The following SRGAP1 variants were observed in gnomAD, a reference collection of about 807,000 sequenced individuals.
SRGAP1 encodes the protein SLIT-ROBO Rho GTPase activating protein 1.
SRGAP1 carries 43 observed loss-of-function variants against 121.9 expected under a neutral mutation model. That is an observed-to-expected ratio of 0.35 (90% CI 0.28 to 0.46). SRGAP1 has a LOEUF of 0.46. Among genes scored for constraint, SRGAP1 ranks in the 20% least tolerant of loss-of-function variants. SRGAP1 has a pLI of 1.00. For missense variants in SRGAP1, 1,102 were observed against 1,350.9 expected (o/e 0.82, Z 2.89); for synonymous variants, 447 against 485.4 (o/e 0.92, Z 1.04).
intron 3 of SRGAP1, among the ~76,000 whole-genome samples, chr12:63,998,022 A>T (rs1275057559): frequency 1.3e-5 from 2 of 151,936 alleles, no homozygotes; most frequent in Non-Finnish European, 2.9e-5. Context: ...CTCTCACCAC[A>T]CTCAGAGCAA....
chr12:64,091,385 G>A lies in SRGAP1; in HGVS notation c.1539+7G>A. ...TTTGGAAACATTCGTCAAGGTACTG[G>A]CACCAGCCATCTGGGTGGCTGATCT... On this transcript the variant is annotated splice_region_variant and intron_variant, in intron 12 of 21. Transcript: ENST00000355086. 1.3e-6 allele frequency: 2 copies of A among 1,593,904 alleles called. No individual in the cohort carries two copies. Among genetic ancestry groups the A allele is most frequent in the Non-Finnish European group, 1.7e-6 (2 of 1,166,424 alleles).
intron 4 of SRGAP1, among the ~76,000 whole-genome samples, chr12:64,027,169 A>G (rs1446981235): frequency 1.3e-5 from 2 of 152,090 alleles, no homozygotes; most frequent in African/African-American, 2.4e-5. Context: ...ACTTTACATA[A>G]TTAGTTCTTT....
intron 4 of SRGAP1, among the ~76,000 whole-genome samples, chr12:64,041,607 CTTAG>C (rs2035026759): frequency 6.6e-6 from 1 of 151,630 alleles, no homozygotes; most frequent in Non-Finnish European, 1.5e-5. Context: ...GTCTCAAACT[CTTAG>C]TTAGGCTCAA....
rs190199730 is a variant in SRGAP1 at position 63,996,652 on chromosome 12, T to A, written c.426+6580T>A. Among the ~76,000 whole-genome samples, 558 of 152,266 alleles carry A rather than the reference T, an allele frequency of 3.7e-3. 4 individuals carry two copies. Among genetic ancestry groups the A allele is most frequent in the African/African-American group, 0.013 (534 of 41,586 alleles). On this transcript the variant is annotated intron_variant, in intron 3 of 21. Coordinates refer to ENST00000355086, the MANE Select transcript of SRGAP1 (RefSeq NM_020762.4). Reference sequence around the variant, plus strand: ...ACACATATAGTTTAGTATACTTATATAACAGTAGTAAATAATATAACAAGA... The same window carrying A: ...ACACATATAGTTTAGTATACTTATAAAACAGTAGTAAATAATATAACAAGA...
In SRGAP1 at chr12:64,080,325, A is replaced by G; in HGVS notation, c.1363A>G (p.Lys455Glu). 3 of 1,614,026 alleles carry G rather than the reference A, an allele frequency of 1.9e-6. No individual in the cohort carries two copies. The highest frequency in any genetic ancestry group is 2.5e-6 in the Non-Finnish European group (3 of 1,179,956). Reference protein sequence around the residue: ...EYLEGSNLITKLQAKHDLLQR... With the variant: ...EYLEGSNLITELQAKHDLLQR... ...TTTGGAAGGCAGTAATCTCATCACAAAACTTCAAGCCAAACATGACTTGCT... is the reference window on the plus strand; with the variant it reads ...TTTGGAAGGCAGTAATCTCATCACAGAACTTCAAGCCAAACATGACTTGCT... Residue 455 changes from lysine (K) to glutamate (E), a missense_variant, in exon 10 of 22, where the codon AAA becomes GAA. Coordinates refer to ENST00000355086, the MANE Select transcript of SRGAP1 (RefSeq NM_020762.4).
At chr12:64,038,397 G>A (rs1307024415) in intron 4 of SRGAP1, among the ~76,000 whole-genome samples, 1 of 152,002 alleles carries the variant, frequency 6.6e-6, no homozygotes, top group Non-Finnish European at 1.5e-5. Flanking sequence ...TAATCAAGAG[G>A]CATTAAATAA....
chr12:63,976,565 GAAT>G (rs1219134833), intron 1 of SRGAP1, among the ~76,000 whole-genome samples: 1 of 152,118 alleles, frequency 6.6e-6, no homozygotes, highest in Non-Finnish European at 1.5e-5. Flanking sequence ...TTATGTCCAC[GAAT>G]AAGGAGCCTG....
intron 3 of SRGAP1, among the ~76,000 whole-genome samples, chr12:64,011,951 T>A (rs911252965): frequency 1.3e-5 from 2 of 151,872 alleles, no homozygotes; most frequent in Admixed American, 1.3e-4. Flanking sequence ...AATACAAAAA[T>A]TAGCTGGGCA....
intron 1 of SRGAP1, among the ~76,000 whole-genome samples, chr12:63,859,069 T>G (rs1218580313): frequency 2.0e-5 from 3 of 152,256 alleles, no homozygotes; most frequent in African/African-American, 7.2e-5. Context: ...GAAATAATAC[T>G]GATGATAGTA....
intron 1 of SRGAP1, among the ~76,000 whole-genome samples, chr12:63,904,061 C>G (rs1469369534): frequency 6.6e-6 from 1 of 152,132 alleles, no homozygotes; most frequent in Non-Finnish European, 1.5e-5. Flanking sequence ...TATCAATACT[C>G]CTAAATCCCC....
chr12:63,944,099 T>C (rs547817329), intron 1 of SRGAP1, among the ~76,000 whole-genome samples: 9 of 152,270 alleles, frequency 5.9e-5, no homozygotes, highest in Middle Eastern at 3.4e-3. Flanking sequence ...CAGCCATGTA[T>C]TGGGGGCACA....
At chr12:64,031,813 A>AC (rs2034787563) in intron 4 of SRGAP1, among the ~76,000 whole-genome samples, 1 of 152,172 alleles carries the variant, frequency 6.6e-6, no homozygotes. Context: ...TGCCTGAGGT[A>AC]TAAAGTTAGA....
chr12:63,909,388 C>G (rs894862740), intron 1 of SRGAP1, among the ~76,000 whole-genome samples: 2 of 152,242 alleles, frequency 1.3e-5, no homozygotes, highest in Non-Finnish European at 2.9e-5. Flanking sequence ...ATCCCTTGCT[C>G]TATCCCTTGA....
At chr12:64,136,941 C>G (rs2036865138) in intron 21 of SRGAP1, among the ~76,000 whole-genome samples, 1 of 152,076 alleles carries the variant, frequency 6.6e-6, no homozygotes, top group Non-Finnish European at 1.5e-5. Flanking sequence ...CCTTTGACTT[C>G]TAGAATCAGG....
chr12:64,092,042 T>G (rs1177402444), intron 12 of SRGAP1: 1 of 850,386 alleles, frequency 1.2e-6, no homozygotes, highest in Non-Finnish European at 1.8e-6. Flanking sequence ...ATGTTTGCAT[T>G]TGGAAATCAG....
At chr12:63,902,304 AT>A (rs2029973866) in intron 1 of SRGAP1, among the ~76,000 whole-genome samples, 1 of 152,214 alleles carries the variant, frequency 6.6e-6, no homozygotes, top group African/African-American at 2.4e-5. Context: ...AATGTTTACT[AT>A]GTTCTAGACA....
intron 3 of SRGAP1, among the ~76,000 whole-genome samples, chr12:63,998,425 A>G (rs1473005606): frequency 6.6e-6 from 1 of 152,162 alleles, no homozygotes; most frequent in Non-Finnish European, 1.5e-5. Flanking sequence ...ACCTACCTTC[A>G]CAGGTCAGCT....
intron 15 of SRGAP1, among the ~76,000 whole-genome samples, chr12:64,099,109 C>T (rs2036215317): frequency 6.6e-6 from 1 of 152,226 alleles, no homozygotes; most frequent in Admixed American, 6.5e-5. Flanking sequence ...AATAGAGGCT[C>T]TGGATTCAAA....
chr12:63,884,952 C>T (rs975664111), intron 1 of SRGAP1, among the ~76,000 whole-genome samples: 4 of 152,050 alleles, frequency 2.6e-5, no homozygotes, highest in Non-Finnish European at 4.4e-5. Flanking sequence ...GATCTCCTGA[C>T]CTCGTGATCC....
Sources: allele counts gnomAD v4.1 joint callset (sites outside exome capture counted in the v4.1 genomes callset), GRCh38; gene constraint gnomAD v4.1.1; transcripts MANE v1.5; gene names NCBI Gene and HGNC (gene_info 2026-07-23, HGNC 2026-07-21).